The following SPECC1L variants were observed in gnomAD, a reference collection of about 807,000 sequenced individuals.
SPECC1L encodes cytospin-A.
In SPECC1L, 40 loss-of-function variants were observed where a neutral mutation model predicts 116.8. The observed-to-expected ratio is 0.34, with a 90% CI of 0.27 to 0.45. The LOEUF (loss-of-function observed/expected upper bound fraction) is 0.45, where lower values mean the gene tolerates loss of function less well. Ranked by LOEUF, SPECC1L falls within the 20% of genes least tolerant of loss-of-function variation. The pLI, the probability that SPECC1L is intolerant of heterozygous loss-of-function variation, is 1.00. For synonymous variants in SPECC1L, 504 were observed against 500.6 expected (o/e 1.01, Z -0.09); for missense variants, 1,110 against 1,373.6 (o/e 0.81, Z 3.03).
intron 14 of SPECC1L, among the ~76,000 whole-genome samples, chr22:24,406,858 A>G (rs1275695469): frequency 1.3e-5 from 2 of 152,208 alleles, no homozygotes; most frequent in Non-Finnish European, 2.9e-5. Flanking sequence ...TTTAGTCAAT[A>G]TGACTTCATT....
intron 7 of SPECC1L, among the ~76,000 whole-genome samples, chr22:24,329,520 T>G (rs745540838): frequency 2.0e-5 from 3 of 152,222 alleles, no homozygotes; most frequent in Non-Finnish European, 4.4e-5. Context: ...GGGAGAAAGC[T>G]ACTCAGTCGT....
intron 11 of SPECC1L, among the ~76,000 whole-genome samples, chr22:24,349,811 G>C (rs2041384634): frequency 6.6e-6 from 1 of 152,152 alleles, no homozygotes; most frequent in African/African-American, 2.4e-5. Context: ...CCTGGTATAA[G>C]CCACCATCAT....
intron 6 of SPECC1L, among the ~76,000 whole-genome samples, chr22:24,325,830 G>A (rs2040809935): frequency 6.6e-6 from 1 of 152,132 alleles, no homozygotes; most frequent in Admixed American, 6.5e-5. Flanking sequence ...TGTCATGTGT[G>A]TATTATGTTT....
chr22:24,314,371 A>G (rs1053114176), intron 4 of SPECC1L, among the ~76,000 whole-genome samples: 1 of 152,208 alleles, frequency 6.6e-6, no homozygotes, highest in Non-Finnish European at 1.5e-5. Context: ...TTTTAAAAAT[A>G]TAATCATAAT....
intron 9 of SPECC1L, among the ~76,000 whole-genome samples, chr22:24,334,793 T>C (rs1370676806): frequency 6.6e-6 from 1 of 152,246 alleles, no homozygotes; most frequent in East Asian, 1.9e-4. Context: ...CTGAATCCCA[T>C]GCAGAGATGT....
At chr22:24,335,484 T>G (rs1288732955) in intron 9 of SPECC1L, among the ~76,000 whole-genome samples, 2 of 152,176 alleles carry the variant, frequency 1.3e-5, no homozygotes, top group Non-Finnish European at 2.9e-5. Flanking sequence ...CTTCCCACTT[T>G]CAAATGACTG....
chr22:24,409,182 G>A (rs1315805343), intron 14 of SPECC1L, among the ~76,000 whole-genome samples: 1 of 152,236 alleles, frequency 6.6e-6, no homozygotes, highest in Non-Finnish European at 1.5e-5. Flanking sequence ...ACATCATTCT[G>A]TGAATCACTC....
In SPECC1L at chr22:24,334,682, A is replaced by G. The variant is rs2041014361; in HGVS notation, c.2560+109A>G. ...TACTGTCTTACTCTTAGTCCCATTA[A>G]CTTTCATATAGTATTAATGCACTAG... is the stretch of plus-strand genomic sequence containing the variant. On this transcript the variant is annotated intron_variant, in intron 9 of 16. Coordinates refer to ENST00000314328, the MANE Select transcript of SPECC1L (RefSeq NM_015330.6). The G allele has an allele frequency of 3.3e-6, 4 of 1,206,664 alleles. No individual in the cohort carries two copies. The Admixed American group carries it at 6.9e-5, about 21-fold the overall frequency. The allele number at this position is 1,206,664 out of a possible 1,614,324, so 74.7% of individuals were successfully genotyped here. A position where few individuals can be genotyped will look rare whatever the true frequency, so the allele number is the denominator to read the frequency against.
intron 9 of SPECC1L, 56 bp from the exon 10 acceptor site, chr22:24,338,330 G>A: frequency 1.3e-6 from 2 of 1,556,716 alleles, no homozygotes; most frequent in Non-Finnish European, 1.8e-6. Context: ...GTGGAGACCA[G>A]TTAAGCTTCC....
At chr22:24,338,574 A>T in intron 10 of SPECC1L, 97 bp downstream of exon 10, 3 of 1,009,612 alleles carry the variant, frequency 3.0e-6, no homozygotes, top group Non-Finnish European at 4.7e-6. Flanking sequence ...AGTTGGGTAA[A>T]TGACTACCTC....
intron 2 of SPECC1L, 47 bp downstream of exon 2, chr22:24,276,850 A>G (rs2048847569): frequency 2.3e-6 from 1 of 434,422 alleles, no homozygotes; most frequent in Admixed American, 2.5e-5. Context: ...TCCTTAATAT[A>G]TTCTCTTGCT....
chr22:24,315,010 C>T (rs2146447875), intron 4 of SPECC1L, among the ~76,000 whole-genome samples: 1 of 152,348 alleles, frequency 6.6e-6, no homozygotes, highest in East Asian at 1.9e-4. Context: ...TCATATTTTA[C>T]TTCTTACGTT....
At chr22:24,274,932 G>T (rs1020998265) in intron 1 of SPECC1L, among the ~76,000 whole-genome samples, 2 of 152,126 alleles carry the variant, frequency 1.3e-5, no homozygotes, top group Admixed American at 6.5e-5. Flanking sequence ...CCCTCTGCTG[G>T]AATATTCTTC....
intron 3 of SPECC1L, among the ~76,000 whole-genome samples, chr22:24,304,184 A>G (rs2049443065): frequency 6.6e-6 from 1 of 152,034 alleles, no homozygotes; most frequent in Admixed American, 6.6e-5. Context: ...AACCAGATGA[A>G]TGAAGTGTTT....
At chr22:24,353,739 A>G (rs1237873406) in intron 11 of SPECC1L, among the ~76,000 whole-genome samples, 1 of 152,092 alleles carries the variant, frequency 6.6e-6, no homozygotes, top group African/African-American at 2.4e-5. Context: ...GGGATACTGC[A>G]GAGGTGATGT....
chr22:24,374,276 A>G (rs1262267922), intron 14 of SPECC1L, among the ~76,000 whole-genome samples: 1 of 152,006 alleles, frequency 6.6e-6, no homozygotes, highest in Admixed American at 6.6e-5. Context: ...TACTGGGTAT[A>G]TACCCAAAGG....
intron 6 of SPECC1L, 53 bp downstream of exon 6, chr22:24,324,480 G>A (rs2040779596): frequency 6.7e-7 from 1 of 1,493,490 alleles, no homozygotes; most frequent in African/African-American, 1.4e-5. Flanking sequence ...TAAACATGCG[G>A]GGATAATTTG....
intron 11 of SPECC1L, among the ~76,000 whole-genome samples, chr22:24,356,538 A>T (rs1190280179): frequency 6.6e-6 from 1 of 151,900 alleles, no homozygotes; most frequent in Non-Finnish European, 1.5e-5. Flanking sequence ...CCATCCTTTT[A>T]ATTTATCTAT....
In SPECC1L at chr22:24,408,394, A is replaced by G. The variant is rs377160323; in HGVS notation, c.3088-3194A>G. Reference sequence around the variant, plus strand: ...GGAGGGCGGGCCAGGCCTCTTGGGAATGTAGCAGGTCTTACCCTCAGGACT... The same window carrying G: ...GGAGGGCGGGCCAGGCCTCTTGGGAGTGTAGCAGGTCTTACCCTCAGGACT... On this transcript the variant is annotated intron_variant, in intron 14 of 16. Transcript: ENST00000314328. 2.7e-4 allele frequency among the ~76,000 whole-genome samples: 41 copies of G among 152,384 alleles called. No homozygotes were observed. In the South Asian group the frequency reaches 6.0e-3, roughly 22 times the overall value.
Sources: allele counts gnomAD v4.1 joint callset (sites outside exome capture counted in the v4.1 genomes callset), GRCh38; gene constraint gnomAD v4.1.1; transcripts MANE v1.5; gene names NCBI Gene and HGNC (gene_info 2026-07-23, HGNC 2026-07-21).